Variants in ANKS1B observed in about 807,000 individuals in gnomAD.
ANKS1B encodes ankyrin repeat and sterile alpha motif domain-containing protein 1B.
ANKS1B carries 36 observed loss-of-function variants against 148.3 expected under a neutral mutation model. That is an observed-to-expected ratio of 0.24 (90% CI 0.19 to 0.32). The LOEUF is 0.32. ANKS1B is among the 10% of genes least tolerant of loss of function. The pLI is 1.00. For missense variants in ANKS1B, 1,157 were observed against 1,542.6 expected (o/e 0.75, Z 4.19); for synonymous variants, 542 against 560.8 (o/e 0.97, Z 0.47).
intron 8 of ANKS1B, among the ~76,000 whole-genome samples, chr12:99,718,327 AC>A (rs1487570800): frequency 6.6e-6 from 1 of 151,742 alleles, no homozygotes. Context: ...TCTCATTGCC[AC>A]CCTTCTTCCC....
intron 12 of ANKS1B, among the ~76,000 whole-genome samples, chr12:99,374,581 C>T (rs2093307783): frequency 6.6e-6 from 1 of 152,168 alleles, no homozygotes; most frequent in Non-Finnish European, 1.5e-5. Context: ...GTATAGTTCA[C>T]ATTTATTTCA....
intron 17 of ANKS1B, among the ~76,000 whole-genome samples, chr12:98,970,629 G>A (rs942665541): frequency 6.6e-6 from 1 of 152,148 alleles, no homozygotes; most frequent in Admixed American, 6.5e-5. Context: ...TATATGCTAC[G>A]TAGGGCAAAG....
intron 12 of ANKS1B, among the ~76,000 whole-genome samples, chr12:99,310,716 T>A (rs978143332): frequency 1.3e-5 from 2 of 152,166 alleles, no homozygotes; most frequent in African/African-American, 4.8e-5. Flanking sequence ...CGAGTCACCC[T>A]ATAGATCTTG....
intron 14 of ANKS1B, among the ~76,000 whole-genome samples, chr12:99,226,055 C>CT (rs920944343): frequency 2.0e-5 from 3 of 152,042 alleles, no homozygotes; most frequent in South Asian, 2.1e-4. Flanking sequence ...GTAATTATAT[C>CT]TTTTTTTATA....
intron 12 of ANKS1B, among the ~76,000 whole-genome samples, chr12:99,394,809 C>T (rs975216214): frequency 4.6e-5 from 7 of 152,116 alleles, no homozygotes; most frequent in African/African-American, 1.4e-4. Flanking sequence ...ATAATGACGA[C>T]GTTCACATCT....
rs1197713336 is a variant in ANKS1B at position 98,756,727 on chromosome 12, C to CTT, written c.3580-5207_3580-5206dup. 6.8e-4 allele frequency among the ~76,000 whole-genome samples: 87 copies of CTT among 127,412 alleles called. 1 individual carries two copies. The highest frequency in any genetic ancestry group is 1.2e-3 in the Non-Finnish European group (70 of 59,956). 83.6% of individuals were successfully genotyped at this position (127,412 alleles called of 152,430 possible). A position where few individuals can be genotyped will look rare whatever the true frequency, so the allele number is the denominator to read the frequency against. ...GGTGACAGAGCGAGACTCCATCTAT[C>CTT]TTTTTTTTTTTTTTTTTGAGATGGA... On this transcript the variant is annotated intron_variant, in intron 25 of 26. Transcript: ENST00000683438.
chr12:99,967,907 CAA>C (rs71436975), intron 1 of ANKS1B, among the ~76,000 whole-genome samples: 15,685 of 106,804 alleles, frequency 0.15, 1,029 homozygotes, highest in Non-Finnish European at 0.21. Flanking sequence ...AACTCCGTCT[CAA>C]AAAAAAAAAA....
intron 14 of ANKS1B, among the ~76,000 whole-genome samples, chr12:99,243,553 T>C (rs901718106): frequency 1.3e-5 from 2 of 152,230 alleles, no homozygotes; most frequent in African/African-American, 4.8e-5. Context: ...TCATAAATCA[T>C]GTTACTATGA....
chr12:99,224,728 C>G (rs2085629209), intron 14 of ANKS1B, among the ~76,000 whole-genome samples: 1 of 152,124 alleles, frequency 6.6e-6, no homozygotes, highest in South Asian at 2.1e-4. Flanking sequence ...TACATCATCA[C>G]TGTTATTTTA....
intron 17 of ANKS1B, among the ~76,000 whole-genome samples, chr12:98,945,908 T>C (rs1193999689): frequency 6.6e-6 from 1 of 152,218 alleles, no homozygotes; most frequent in African/African-American, 2.4e-5. Context: ...GAACAAATCT[T>C]TTCCCCTAGT....
chr12:99,338,199 T>C (rs1177922734), intron 12 of ANKS1B, among the ~76,000 whole-genome samples: 2 of 152,138 alleles, frequency 1.3e-5, no homozygotes, highest in Non-Finnish European at 2.9e-5. Context: ...AGGAATCCGC[T>C]TGGTACTATT....
intron 12 of ANKS1B, among the ~76,000 whole-genome samples, chr12:99,325,971 G>C (rs2086227673): frequency 6.6e-6 from 1 of 152,066 alleles, no homozygotes; most frequent in South Asian, 2.1e-4. Context: ...AGAAGGTGAA[G>C]AGAAAGCAAA....
At chr12:99,589,787 T>C (rs2153233646) in intron 9 of ANKS1B, among the ~76,000 whole-genome samples, 1 of 152,270 alleles carries the variant, frequency 6.6e-6, no homozygotes, top group South Asian at 2.1e-4. Context: ...AACAATAATT[T>C]ATAGCATATT....
At chr12:99,122,686 G>A (rs1169027475) in intron 15 of ANKS1B, among the ~76,000 whole-genome samples, 1 of 152,148 alleles carries the variant, frequency 6.6e-6, no homozygotes, top group African/African-American at 2.4e-5. Context: ...CAGCCAACTT[G>A]CCTGGCTTTC....
chr12:99,716,791 C>T (rs2057391222), intron 8 of ANKS1B, among the ~76,000 whole-genome samples: 3 of 152,092 alleles, frequency 2.0e-5, no homozygotes, highest in Admixed American at 2.0e-4. Flanking sequence ...CCCCAAGCGT[C>T]GCTGAGTCTT....
At chr12:98,938,541 A>G (rs2099825884) in intron 17 of ANKS1B, among the ~76,000 whole-genome samples, 1 of 152,236 alleles carries the variant, frequency 6.6e-6, no homozygotes, top group South Asian at 2.1e-4. Context: ...AGGAAAAGAA[A>G]GGTGCTTGGG....
At chr12:99,453,417 G>A (rs1452172454) in intron 10 of ANKS1B, among the ~76,000 whole-genome samples, 1 of 152,206 alleles carries the variant, frequency 6.6e-6, no homozygotes, top group Non-Finnish European at 1.5e-5. Flanking sequence ...ACTGAGGAAA[G>A]CAAGTAACCA....
intron 3 of ANKS1B, 66 bp downstream of exon 3, chr12:99,812,089 T>A: frequency 6.6e-7 from 1 of 1,512,286 alleles, no homozygotes; most frequent in African/African-American, 1.4e-5. Flanking sequence ...AAATCACATT[T>A]TCAATATGGC....
At chr12:98,761,525 T>G (rs2098405454) in intron 25 of ANKS1B, among the ~76,000 whole-genome samples, 1 of 152,082 alleles carries the variant, frequency 6.6e-6, no homozygotes, top group South Asian at 2.1e-4. Context: ...AACTCCATGG[T>G]CTGTATATTG....
Sources: gnomAD v4.1 joint callset for allele counts (sites outside exome capture counted in the v4.1 genomes callset) on GRCh38, gnomAD v4.1.1 for gene constraint, MANE v1.5 for transcripts, NCBI Gene and HGNC (gene_info 2026-07-23, HGNC 2026-07-21) for gene names.